APOBEC3D: variants seen among roughly 807,000 people sequenced by gnomAD.
APOBEC3D encodes DNA dC->dU-editing enzyme APOBEC-3D.
In APOBEC3D, 37 loss-of-function variants were observed where a neutral mutation model predicts 45.6. The ratio of observed to expected loss-of-function variants is 0.81; its 90% CI spans 0.62 to 1.07. The LOEUF (loss-of-function observed/expected upper bound fraction) is 1.07, where lower values mean the gene tolerates loss of function less well. APOBEC3D is among the 50% of genes least tolerant of loss of function. The pLI is 0.00. For synonymous variants in APOBEC3D, 175 were observed against 180.7 expected, an observed-to-expected ratio of 0.97 and a Z score of 0.25; for missense variants, 496 against 495.3, an observed-to-expected ratio of 1.00 and a Z score of -0.01.
At chr22:39,024,386 G>A (rs1418881707) in intron 2 of APOBEC3D, among the ~76,000 whole-genome samples, 2 of 152,194 alleles carry the variant, frequency 1.3e-5, no homozygotes, top group Admixed American at 1.3e-4. Context: ...AGGATGCCTG[G>A]TGAATGGATG....
At chr22:39,027,224 C>G (rs539755428) in intron 4 of APOBEC3D, among the ~76,000 whole-genome samples, 2 of 152,100 alleles carry the variant, frequency 1.3e-5, no homozygotes, top group South Asian at 4.2e-4. Context: ...GGGAACAACT[C>G]TGGGCAGGAG....
intron 4 of APOBEC3D, among the ~76,000 whole-genome samples, chr22:39,026,754 TTTG>T (rs200750664): frequency 4.0e-5 from 6 of 149,396 alleles, no homozygotes; most frequent in African/African-American, 1.5e-4. Flanking sequence ...GTAAGGTTTT[TTTG>T]TTTTTTTTTT....
Position 39,031,938 on chromosome 22 carries a change from A to T in APOBEC3D, c.1007A>T (p.Gln336Leu). Reference sequence around the variant, plus strand: ...CAGGAGGGGCTCTGCAGCCTGAGTCAGGAAGGGGCCTCCGTGAAGATCATG... The same window carrying T: ...CAGGAGGGGCTCTGCAGCCTGAGTCTGGAAGGGGCCTCCGTGAAGATCATG... ...DYQEGLCSLS[Q>L]EGASVKIMGY... is the part of the protein sequence containing the mutation. The change falls in exon 6 of 7, where the codon CAG (glutamine) becomes CTG (leucine). Residue 336 changes from glutamine (Q) to leucine (L), a missense_variant. By Grantham distance (113) the Gln-to-Leu change is moderately radical. Coordinates refer to ENST00000216099, the MANE Select transcript of APOBEC3D (RefSeq NM_152426.4). The T allele has an allele frequency of 5.6e-6, 9 of 1,614,184 alleles. No homozygotes were observed. The highest frequency in any genetic ancestry group is 7.6e-6 in the Non-Finnish European group (9 of 1,180,038).
At chr22:39,028,663 C>G (rs1416882342) in intron 4 of APOBEC3D, among the ~76,000 whole-genome samples, 1 of 152,142 alleles carries the variant, frequency 6.6e-6, no homozygotes, top group Non-Finnish European at 1.5e-5. Context: ...GGGCCAGGCG[C>G]GGTGGCTCAC....
chr22:39,032,445 T>G lies in APOBEC3D; in HGVS notation c.*129T>G. Reference sequence around the variant, plus strand: ...GAGCCCCTCCTGGCCTCAGGGCCATTCCATAGTGCCCCCCTGCCTCACCAC... The same window carrying G: ...GAGCCCCTCCTGGCCTCAGGGCCATGCCATAGTGCCCCCCTGCCTCACCAC... On this transcript the variant is annotated 3_prime_UTR_variant, in exon 7 of 7. Coordinates refer to ENST00000216099, the MANE Select transcript of APOBEC3D (RefSeq NM_152426.4). The G allele has an allele frequency of 6.7e-7, 1 of 1,503,448 alleles. No individual in the cohort carries two copies. The highest frequency in any genetic ancestry group is 8.8e-7 in the Non-Finnish European group (1 of 1,133,902). 93.1% of individuals were successfully genotyped at this position (1,503,448 alleles called of 1,614,324 possible).
chr22:39,024,596 T>C (rs34074269), intron 2 of APOBEC3D, among the ~76,000 whole-genome samples: 52,775 of 152,020 alleles, frequency 0.35, 9,704 homozygotes, highest in East Asian at 0.55. Flanking sequence ...CACCAGCAAC[T>C]TTCCAGGGCC....
At position 39,031,965 on chromosome 22, in the gene APOBEC3D, G is replaced by T. The variant is rs1179020927; in HGVS notation, c.1034G>T (p.Gly345Val). ...GAAGGGGCCTCCGTGAAGATCATGG[G>T]CTACAAAGGTGAGACGTGGGGGGCT... ...SQEGASVKIMGYKDFVSCWKN... is the reference protein window; with the variant it reads ...SQEGASVKIMVYKDFVSCWKN... Residue 345 changes from glycine to valine, a missense_variant, in exon 6 of 7, where the codon GGC (glycine) becomes GTC (valine). Coordinates refer to ENST00000216099, the MANE Select transcript of APOBEC3D (RefSeq NM_152426.4). 2 of 1,614,180 alleles carry T rather than the reference G, an allele frequency of 1.2e-6. No individual in the cohort carries two copies. Among genetic ancestry groups the T allele is most frequent in the East Asian group, 4.5e-5 (2 of 44,862 alleles).
At chr22:39,029,771 TTTTA>T (rs895527259) in intron 5 of APOBEC3D, among the ~76,000 whole-genome samples, 16 of 151,864 alleles carry the variant, frequency 1.1e-4, no homozygotes, top group African/African-American at 2.9e-4. Context: ...CTAATTTTTA[TTTTA>T]TTTATTTATT....
Position 39,025,318 on chromosome 22 carries a change from A to G in APOBEC3D, c.459A>G (p.Ala153=). 6.2e-7 allele frequency: 1 copy of G among 1,614,038 alleles called. No homozygotes were observed. ...GGGTGCTCCTCAGGCTGCATAAGGC[A>G]GGGGCCCGTGTGAAGATCATGGACT... ...WRWVLLRLHK[A]GARVKIMDYE... is the part of the protein sequence containing the mutation. Residue 153 remains alanine (A), a synonymous_variant, in exon 3 of 7, where the codon GCA becomes GCG. Coordinates refer to ENST00000216099, the MANE Select transcript of APOBEC3D (RefSeq NM_152426.4).
At chr22:39,030,725 G>T (rs1379854341) in intron 5 of APOBEC3D, among the ~76,000 whole-genome samples, 3 of 152,092 alleles carry the variant, frequency 2.0e-5, no homozygotes, top group Admixed American at 2.0e-4. Flanking sequence ...GCAGACAGGG[G>T]ACAAGGCAGA....
chr22:39,029,550 T>C, intron 5 of APOBEC3D, 31 bp downstream of exon 5: 12 of 1,613,108 alleles, frequency 7.4e-6, no homozygotes, highest in South Asian at 1.1e-5. Context: ...ACACCCTAAA[T>C]AGGAGCTAAG....
intron 2 of APOBEC3D, 72 bp from the exon 3 acceptor site, chr22:39,024,998 T>G: frequency 1.3e-4 from 48 of 365,728 alleles, no homozygotes; most frequent in Non-Finnish European, 2.0e-4. Context: ...TGGCCCCTCC[T>G]CCCCCTGCCC....
intron 1 of APOBEC3D, among the ~76,000 whole-genome samples, chr22:39,021,762 C>G (rs566086453): frequency 6.6e-6 from 1 of 152,206 alleles, no homozygotes; most frequent in Admixed American, 6.5e-5. Context: ...GTCCAGGCCC[C>G]CTCCTGAGAC....
chr22:39,025,523 G>C (rs755602956), intron 3 of APOBEC3D, 34 bp from the exon 4 acceptor site: 41 of 1,613,994 alleles, frequency 2.5e-5, no homozygotes, highest in Middle Eastern at 3.3e-4. Context: ...AGGGTCAGGG[G>C]AGAGCCTGAG....
At position 39,031,968 on chromosome 22, in the gene APOBEC3D, A is replaced by G. The variant is rs745851351; in HGVS notation, c.1037A>G (p.Tyr346Cys). Residue 346 changes from tyrosine to cysteine, a missense_variant, in exon 6 of 7, where the codon TAC (tyrosine) becomes TGC (cysteine). Transcript: ENST00000216099. ...GGGGCCTCCGTGAAGATCATGGGCT[A>G]CAAAGGTGAGACGTGGGGGGCTGAG... ...QEGASVKIMG[Y>C]KDFVSCWKNF... is the part of the protein sequence containing the mutation. 5 of 1,614,148 alleles carry G rather than the reference A, an allele frequency of 3.1e-6. No individual in the cohort carries two copies. Among genetic ancestry groups the G allele is most frequent in the Non-Finnish European group, 4.2e-6 (5 of 1,180,022 alleles).
intron 4 of APOBEC3D, among the ~76,000 whole-genome samples, chr22:39,028,075 A>T (rs894023812): frequency 9.2e-5 from 14 of 152,116 alleles, no homozygotes; most frequent in Admixed American, 9.2e-4. Context: ...GTCTTAAGAG[A>T]GGGTGTGGGG....
At chr22:39,026,565 T>C (rs2146322080) in intron 4 of APOBEC3D, among the ~76,000 whole-genome samples, 1 of 152,268 alleles carries the variant, frequency 6.6e-6, no homozygotes, top group South Asian at 2.1e-4. Context: ...TCTGTGTGTC[T>C]GTCTCCCAGG....
chr22:39,023,360 CCT>C (rs1271877227), intron 2 of APOBEC3D, among the ~76,000 whole-genome samples: 1 of 152,010 alleles, frequency 6.6e-6, no homozygotes, highest in Non-Finnish European at 1.5e-5. Flanking sequence ...AGGTGATTCA[CCT>C]GCCTTGGCCT....
rs1258635541 is a variant in APOBEC3D, at chr22:39,033,157, G to C, written c.*841G>C. 3.4e-6 allele frequency: 2 copies of C among 584,098 alleles called. No homozygotes were observed. The highest frequency in any genetic ancestry group is 4.3e-6 in the Non-Finnish European group (2 of 463,446). The allele number at this position is 584,098 out of a possible 1,614,324, so 36.2% of individuals were successfully genotyped here. A position where few individuals can be genotyped will look rare whatever the true frequency, so the allele number is the denominator to read the frequency against. ...GCTTGAGCCGGGGAGGTGGAGGCTG[G>C]AGTAAACTGAGATCGCGCCACAGAA... On this transcript the variant is annotated 3_prime_UTR_variant, in exon 7 of 7. Transcript: ENST00000216099.
Sources: gnomAD v4.1 joint callset for allele counts (sites outside exome capture counted in the v4.1 genomes callset) on GRCh38, gnomAD v4.1.1 for gene constraint, MANE v1.5 for transcripts, NCBI Gene and HGNC (gene_info 2026-07-23, HGNC 2026-07-21) for gene names.